FBXL7: variants seen among roughly 807,000 people sequenced by gnomAD.
FBXL7 encodes F-box and leucine rich repeat protein 7.
In FBXL7, 12 loss-of-function variants were observed where a neutral mutation model predicts 38.3. The ratio of observed to expected loss-of-function variants is 0.31; its 90% CI spans 0.20 to 0.51. FBXL7 has a LOEUF of 0.51. Ranked by LOEUF, FBXL7 falls within the 20% of genes least tolerant of loss-of-function variation. The pLI is 0.98. For synonymous variants in FBXL7, 297 were observed against 300.9 expected, an observed-to-expected ratio of 0.99 and a Z score of 0.13; for missense variants, 567 against 676.4, an observed-to-expected ratio of 0.84 and a Z score of 1.79.
chr5:15,723,674 T>C (rs548587357), intron 2 of FBXL7, among the ~76,000 whole-genome samples: 2 of 152,360 alleles, frequency 1.3e-5, no homozygotes, highest in Non-Finnish European at 2.9e-5. Flanking sequence ...TGATGAGTTT[T>C]GTGTCTTTCT....
At chr5:15,623,674 G>A (rs1740722133) in intron 2 of FBXL7, among the ~76,000 whole-genome samples, 1 of 152,048 alleles carries the variant, frequency 6.6e-6, no homozygotes, top group Non-Finnish European at 1.5e-5. Context: ...AATCATCTAG[G>A]GAAGGAAAAA....
intron 2 of FBXL7, among the ~76,000 whole-genome samples, chr5:15,922,431 G>T (rs1166810838): frequency 6.6e-6 from 1 of 152,122 alleles, no homozygotes; most frequent in Non-Finnish European, 1.5e-5. Flanking sequence ...TCTTGCCAGG[G>T]ATGCTGTGGG....
At chr5:15,786,320 T>C (rs1480732964) in intron 2 of FBXL7, among the ~76,000 whole-genome samples, 1 of 149,660 alleles carries the variant, frequency 6.7e-6, no homozygotes, top group Non-Finnish European at 1.5e-5. Context: ...AAGTGAAATA[T>C]AGAACTTGCC....
intron 2 of FBXL7, among the ~76,000 whole-genome samples, chr5:15,781,711 C>T (rs368176480): frequency 1.2e-4 from 18 of 151,846 alleles, no homozygotes; most frequent in East Asian, 1.2e-3. Flanking sequence ...AAATGAGAAA[C>T]CAGGAAGTGG....
intron 3 of FBXL7, among the ~76,000 whole-genome samples, chr5:15,932,079 G>A (rs1243436285): frequency 1.3e-5 from 2 of 152,156 alleles, no homozygotes; most frequent in Admixed American, 6.5e-5. Context: ...GAACACAGGC[G>A]TGTCAAAGTT....
intron 2 of FBXL7, among the ~76,000 whole-genome samples, chr5:15,917,221 C>A (rs185042931): frequency 1.3e-5 from 2 of 152,208 alleles, no homozygotes; most frequent in African/African-American, 2.4e-5. Flanking sequence ...ACCACTTCAA[C>A]CGATATTCAC....
At chr5:15,632,222 C>A (rs1332480433) in intron 2 of FBXL7, among the ~76,000 whole-genome samples, 1 of 152,110 alleles carries the variant, frequency 6.6e-6, no homozygotes, top group Non-Finnish European at 1.5e-5. Context: ...CTTTATTATA[C>A]CTTACAACTA....
At chr5:15,501,684 T>C in intron 1 of FBXL7, 2 of 985,466 alleles carry the variant, frequency 2.0e-6, no homozygotes, top group African/African-American at 1.7e-5. Flanking sequence ...GAGGAAACTC[T>C]TATCATCCTG....
intron 2 of FBXL7, among the ~76,000 whole-genome samples, chr5:15,805,582 C>A (rs563803976): frequency 6.6e-6 from 1 of 152,020 alleles, no homozygotes; most frequent in African/African-American, 2.4e-5. Flanking sequence ...TTTGAAAAAA[C>A]CTATTTTAGA....
intron 2 of FBXL7, among the ~76,000 whole-genome samples, chr5:15,883,675 A>C (rs1740556102): frequency 1.3e-5 from 2 of 152,166 alleles, no homozygotes; most frequent in Non-Finnish European, 2.9e-5. Flanking sequence ...AGTTTTATTG[A>C]TCACTCAGCC....
intron 2 of FBXL7, among the ~76,000 whole-genome samples, chr5:15,762,440 A>G (rs979366523): frequency 3.3e-5 from 5 of 152,192 alleles, no homozygotes; most frequent in Non-Finnish European, 7.3e-5. Context: ...TTGGAAATCC[A>G]CATAGCACAG....
At chr5:15,916,347 G>C (rs987000794) in intron 2 of FBXL7, among the ~76,000 whole-genome samples, 12 of 149,886 alleles carry the variant, frequency 8.0e-5, no homozygotes, top group African/African-American at 2.7e-4. Flanking sequence ...ATGTGTGTTT[G>C]ATATTTGAGA....
In FBXL7 at chr5:15,500,563, G is replaced by A. The variant is rs889843678; in HGVS notation, c.-114G>A. ...GGCCGGAGGTCGGCCCCGGAGCTTG[G>A]GGGGGATGTGCAGCTAACGGTCCCG... On this transcript the variant is annotated 5_prime_UTR_variant, in exon 1 of 4. Coordinates refer to ENST00000504595, the MANE Select transcript of FBXL7 (RefSeq NM_012304.5). 6 of 1,451,402 alleles carry A rather than the reference G, an allele frequency of 4.1e-6. No homozygotes were observed. The highest frequency in any genetic ancestry group is 2.3e-5 in the East Asian group (1 of 43,974). 89.9% of individuals were successfully genotyped at this position (1,451,402 alleles called of 1,614,324 possible).
intron 2 of FBXL7, among the ~76,000 whole-genome samples, chr5:15,921,883 A>C (rs1741752119): frequency 6.6e-6 from 1 of 152,174 alleles, no homozygotes; most frequent in East Asian, 1.9e-4. Context: ...AACCCTTGGA[A>C]TCTAGATTGT....
At chr5:15,809,201 T>C (rs1737790724) in intron 2 of FBXL7, among the ~76,000 whole-genome samples, 5 of 152,196 alleles carry the variant, frequency 3.3e-5, no homozygotes, top group Admixed American at 3.3e-4. Context: ...TGTGTGCCTA[T>C]TTTTTGGATA....
intron 2 of FBXL7, among the ~76,000 whole-genome samples, chr5:15,667,872 A>C (rs925045452): frequency 2.0e-5 from 3 of 151,998 alleles, no homozygotes; most frequent in Admixed American, 1.3e-4. Context: ...TTAACCTTCA[A>C]CTTGGATTCA....
At chr5:15,728,379 G>C (rs1464467309) in intron 2 of FBXL7, among the ~76,000 whole-genome samples, 1 of 152,074 alleles carries the variant, frequency 6.6e-6, no homozygotes, top group Non-Finnish European at 1.5e-5. Flanking sequence ...TAAATTGAGA[G>C]GCATAGGGAT....
chr5:15,587,015 C>T lies in FBXL7; in HGVS notation c.38-28968C>T, dbSNP rs1432861201. Among the ~76,000 whole-genome samples, 4 of 152,306 alleles carry T rather than the reference C, an allele frequency of 2.6e-5. No homozygotes were observed. In the East Asian group the frequency reaches 7.7e-4, roughly 29 times the overall value. Reference sequence around the variant, plus strand: ...CCACCATCATCTCCCACTGCAATGGCTTCTTTCACCTCCCTGATATTTCCT... The same window carrying T: ...CCACCATCATCTCCCACTGCAATGGTTTCTTTCACCTCCCTGATATTTCCT... On this transcript the variant is annotated intron_variant, in intron 1 of 3. Coordinates refer to ENST00000504595, the MANE Select transcript of FBXL7 (RefSeq NM_012304.5).
intron 2 of FBXL7, among the ~76,000 whole-genome samples, chr5:15,721,253 T>A (rs996728762): frequency 6.6e-6 from 1 of 152,152 alleles, no homozygotes; most frequent in Admixed American, 6.5e-5. Context: ...TTTTTTTTAG[T>A]GTAAAACCTA....
Sources: allele counts gnomAD v4.1 joint callset (sites outside exome capture counted in the v4.1 genomes callset), GRCh38; gene constraint gnomAD v4.1.1; transcripts MANE v1.5; gene names NCBI Gene and HGNC (gene_info 2026-07-23, HGNC 2026-07-21).